Variants in MCF2L observed in about 807,000 individuals in gnomAD.
MCF2L encodes the protein guanine nucleotide exchange factor DBS.
A neutral mutation model predicts 153.4 loss-of-function variants in MCF2L; 97 were observed. The ratio of observed to expected loss-of-function variants is 0.63; its 90% CI spans 0.54 to 0.75. MCF2L has a LOEUF of 0.75. Ranked by LOEUF, MCF2L falls within the 30% of genes least tolerant of loss-of-function variation. MCF2L has a pLI of 0.00. For missense variants in MCF2L, 1,347 were observed against 1,495.2 expected, an observed-to-expected ratio of 0.90 and a Z score of 1.64; for synonymous variants, 659 against 632.2, an observed-to-expected ratio of 1.04 and a Z score of -0.64.
chr13:113,086,329 A>G (rs976977577), intron 21 of MCF2L, 80 bp downstream of exon 21: 1 of 1,567,114 alleles, frequency 6.4e-7, no homozygotes, highest in African/African-American at 1.4e-5. Context: ...CTCCCTGCAC[A>G]CGCCCCTCGC....
At chr13:112,948,167 A>G (rs1313291327) in intron 2 of MCF2L, among the ~76,000 whole-genome samples, 2 of 152,110 alleles carry the variant, frequency 1.3e-5, no homozygotes, top group African/African-American at 2.4e-5. Context: ...AACCCTGAAG[A>G]TCTCCGAAAT....
At chr13:112,985,168 A>G (rs760102489) in intron 1 of MCF2L, 78 of 321,698 alleles carry the variant, frequency 2.4e-4, no homozygotes, top group Non-Finnish European at 3.5e-4. Context: ...CTGGACCTGC[A>G]TGTAAACATC....
At chr13:113,033,333 C>A (rs1465355658) in intron 3 of MCF2L, among the ~76,000 whole-genome samples, 14 of 97,856 alleles carry the variant, frequency 1.4e-4, no homozygotes, top group East Asian at 9.0e-4. Context: ...GCGTGAGTGG[C>A]CCCCGTGACA....
intron 1 of MCF2L, among the ~76,000 whole-genome samples, chr13:113,012,182 T>C (rs1303012817): frequency 7.9e-5 from 7 of 88,690 alleles, no homozygotes; most frequent in Admixed American, 2.3e-4. Context: ...ACAGGCAGTG[T>C]GGATGGTGGA....
intron 4 of MCF2L, among the ~76,000 whole-genome samples, chr13:113,057,864 CACTGAGTGTTTGGAT>C (rs2030464829): frequency 8.7e-6 from 1 of 114,966 alleles, no homozygotes; most frequent in African/African-American, 3.5e-5. Context: ...TGTGTTTGGG[CACTGAGTGTTTGGAT>C]GCTGAGTGTT....
At chr13:112,899,225 G>C (rs974276442) in intron 1 of MCF2L, among the ~76,000 whole-genome samples, 2 of 151,848 alleles carry the variant, frequency 1.3e-5, no homozygotes, top group Non-Finnish European at 2.9e-5. Flanking sequence ...AGATTTAATT[G>C]TGTGTGTGTG....
intron 2 of MCF2L, chr13:112,909,958 T>A (rs2081214140): frequency 1.3e-5 from 2 of 152,266 alleles, no homozygotes; most frequent in Admixed American, 1.3e-4. Context: ...GAAGAGATTT[T>A]ACTACCTGAA....
In MCF2L at chr13:113,087,738, A is replaced by G. The variant is rs775533280; in HGVS notation, c.2627A>G (p.Lys876Arg). 5 of 1,614,122 alleles carry G rather than the reference A, an allele frequency of 3.1e-6. No homozygotes were observed. In the Admixed American group the frequency reaches 6.7e-5, roughly 22 times the overall value. ...MAAVGITENV[K>R]GDAKKFEIWY... ...GCCGTTGGCATTACGGAGAACGTGA[A>G]GGGAGATGCTAAGAAGTTCGAGATC... Residue 876 changes from lysine to arginine, a missense_variant, in exon 23 of 30, where the codon AAG becomes AGG. Physicochemically the swap from Lys to Arg is conservative, Grantham distance 26. Around this residue, in one of 3 missense-constraint regions of MCF2L, gnomAD observed 144 missense variants for 238.7 expected, o/e 0.60. Coordinates refer to ENST00000535094, the MANE Select transcript of MCF2L (RefSeq NM_001112732.3).
intron 2 of MCF2L, among the ~76,000 whole-genome samples, chr13:112,942,920 G>C (rs898837375): frequency 6.6e-6 from 1 of 152,200 alleles, no homozygotes. Context: ...GGAAAGGTGG[G>C]ACAGCACCCT....
intron 1 of MCF2L, among the ~76,000 whole-genome samples, chr13:112,990,487 C>T (rs3011535): frequency 0.89 from 135,466 of 152,216 alleles, 61,107 homozygotes; most frequent in Non-Finnish European, 0.98. Context: ...GTGGCCGAGG[C>T]GGGGAGCAGT....
chr13:112,992,360 A>T (rs527979864), intron 1 of MCF2L, among the ~76,000 whole-genome samples: 2 of 152,278 alleles, frequency 1.3e-5, no homozygotes, highest in South Asian at 2.1e-4. Flanking sequence ...TATACCTAAG[A>T]ATCTGCCTAA....
rs148630804 is a variant in MCF2L at position 113,002,355 on chromosome 13, A to G, written c.80-12408A>G. ...CCTTTGTTCGAGGTTTTTCATAGAC[A>G]GGCTATGTGGACAAATGAGGGCAGC... is the stretch of plus-strand genomic sequence containing the variant. On this transcript the variant is annotated intron_variant, in intron 1 of 29. Coordinates refer to ENST00000535094, the MANE Select transcript of MCF2L (RefSeq NM_001112732.3). 6.3e-3 allele frequency among the ~76,000 whole-genome samples: 959 copies of G among 152,336 alleles called. 11 individuals are homozygous for G. Among genetic ancestry groups the G allele is most frequent in the Non-Finnish European group, 0.011 (778 of 68,024 alleles).
In MCF2L at chr13:112,993,815, C is replaced by A. The variant is rs1430334707; in HGVS notation, c.80-20948C>A. 1.3e-5 allele frequency among the ~76,000 whole-genome samples: 2 copies of A among 152,088 alleles called. No homozygotes were observed. Among genetic ancestry groups the A allele is most frequent in the Non-Finnish European group, 2.9e-5 (2 of 68,024 alleles). ...CTGGGTGAAGATGACACCACAGATA[C>A]CTTGGAGATCTGCCTCCAGTTAAGA... On this transcript the variant is annotated intron_variant, in intron 1 of 29. Transcript: ENST00000535094. The surrounding 1 kb of genome is among the most constrained non-coding windows in gnomAD (Gnocchi z 4.6).
intron 27 of MCF2L, chr13:113,094,933 C>T: frequency 1.5e-6 from 2 of 1,371,152 alleles, no homozygotes; most frequent in Non-Finnish European, 2.0e-6. Context: ...GCTCCTCTGT[C>T]TCAGCAGCAC....
intron 1 of MCF2L, among the ~76,000 whole-genome samples, chr13:112,986,986 A>G (rs1322853797): frequency 2.6e-5 from 4 of 152,134 alleles, no homozygotes; most frequent in African/African-American, 9.7e-5. Context: ...GGGAGGTTTC[A>G]GGTGGGACTC....
chr13:112,981,992 G>A (rs1196697901), intron 1 of MCF2L, among the ~76,000 whole-genome samples: 6 of 152,214 alleles, frequency 3.9e-5, no homozygotes, highest in African/African-American at 1.4e-4. Flanking sequence ...CCCCGGTCAG[G>A]GCTGGGGGAA....
intron 9 of MCF2L, among the ~76,000 whole-genome samples, chr13:113,071,183 A>G (rs917622973): frequency 1.3e-5 from 2 of 152,144 alleles, no homozygotes; most frequent in African/African-American, 2.4e-5. Flanking sequence ...TGCCATTCGC[A>G]TATCCTCTTT....
At chr13:113,016,054 CA>C (rs961306469) in intron 2 of MCF2L, among the ~76,000 whole-genome samples, 5 of 152,328 alleles carry the variant, frequency 3.3e-5, no homozygotes, top group African/African-American at 1.2e-4. Context: ...GCAGTGCCCC[CA>C]CCCCAGCGGT....
At chr13:113,030,318 ACC>A (rs2085580342) in intron 3 of MCF2L, among the ~76,000 whole-genome samples, 6 of 79,480 alleles carry the variant, frequency 7.5e-5, no homozygotes, top group Admixed American at 2.6e-4. Flanking sequence ...CCCGGTGTGG[ACC>A]CTCAGGTGTC....
Sources: gnomAD v4.1 joint callset for allele counts (sites outside exome capture counted in the v4.1 genomes callset) on GRCh38, gnomAD v4.1.1 for gene constraint, gnomAD v4.1.1 regional missense constraint, Gnocchi (gnomAD v3.1) non-coding constraint, MANE v1.5 for transcripts, NCBI Gene and HGNC (gene_info 2026-07-23, HGNC 2026-07-21) for gene names.